CEP295: variants seen among roughly 807,000 people sequenced by gnomAD.
CEP295 encodes the protein centrosomal protein 295.
Under a neutral mutation model 291.6 loss-of-function variants are expected in CEP295, and 190 were observed. The ratio of observed to expected loss-of-function variants is 0.65; its 90% confidence interval spans 0.58 to 0.73. The LOEUF (loss-of-function observed/expected upper bound fraction) is 0.73, where lower values mean the gene tolerates loss of function less well. Ranked by LOEUF, CEP295 falls within the 30% of genes least tolerant of loss-of-function variation. The pLI, the probability that CEP295 is intolerant of heterozygous loss-of-function variation, is 0.00. For missense variants in CEP295, 2,863 were observed against 2,949.4 expected (o/e 0.97, Z 0.68); for synonymous variants, 993 against 1,038.8 (o/e 0.96, Z 0.85).
chr11:93,697,730 TCACAGCCTATCCTA>T lies in CEP295; in HGVS notation c.2819_2832del (p.Ser940PhefsTer5). On this transcript the variant is annotated frameshift_variant, in exon 15 of 30. Coordinates refer to ENST00000325212, the MANE Select transcript of CEP295 (RefSeq NM_033395.2). LOFTEE classifies it high-confidence loss of function. The stretch of plus-strand genomic sequence containing the variant: ...ACTTCAGGATAAGCGTTTGAGTCTT[TCACAGCCTATCCTA>T]TCACAGCAAAATAATTTTAAATTTC... 1 of 1,551,660 alleles carries T rather than the reference TCACAGCCTATCCTA, an allele frequency of 6.4e-7. No homozygotes were observed. The highest frequency in any genetic ancestry group is 8.7e-7 in the Non-Finnish European group (1 of 1,146,982).
chr11:93,700,517 C>T (rs1238985592), intron 15 of CEP295, among the ~76,000 whole-genome samples: 4 of 151,302 alleles, frequency 2.6e-5, no homozygotes, highest in African/African-American at 7.3e-5. Flanking sequence ...CCCCTACCTC[C>T]TGGGTTTAAG....
At chr11:93,694,501 C>T (rs541824284) in intron 12 of CEP295, among the ~76,000 whole-genome samples, 7 of 152,294 alleles carry the variant, frequency 4.6e-5, no homozygotes, top group East Asian at 3.9e-4. Context: ...AAGCACTTTA[C>T]AGCCTCTCTT....
chr11:93,662,907 C>T (rs1950051249), intron 1 of CEP295, among the ~76,000 whole-genome samples: 1 of 152,218 alleles, frequency 6.6e-6, no homozygotes, highest in Non-Finnish European at 1.5e-5. Context: ...GATAACAATG[C>T]ACTGAAAAGG....
At chr11:93,705,767 A>G (rs987215705) in intron 17 of CEP295, among the ~76,000 whole-genome samples, 5 of 152,164 alleles carry the variant, frequency 3.3e-5, no homozygotes, top group African/African-American at 1.2e-4. Context: ...TAAAAGGCCA[A>G]TTGGAGGTTC....
intron 24 of CEP295, 66 bp downstream of exon 24, chr11:93,727,703 T>A: frequency 1.5e-6 from 2 of 1,298,882 alleles, no homozygotes; most frequent in Non-Finnish European, 2.1e-6. Context: ...TTTTTTCTTC[T>A]AAAATTAGAG....
At chr11:93,728,918 T>C (rs944505480) in intron 25 of CEP295, 97 bp downstream of exon 25, 4 of 1,124,666 alleles carry the variant, frequency 3.6e-6, no homozygotes, top group East Asian at 2.6e-5. Flanking sequence ...GAGGGAATTA[T>C]GCTATGCATT....
chr11:93,683,388 A>G (rs1011522660), intron 7 of CEP295, among the ~76,000 whole-genome samples, 171 bp from the exon 8 acceptor site: 1 of 152,240 alleles, frequency 6.6e-6, no homozygotes, highest in Admixed American at 6.5e-5. Context: ...GGTATCTGGT[A>G]TTCAGCAAAT....
Position 93,687,839 on chromosome 11 carries a change from G to C in CEP295, c.1310G>C (p.Arg437Thr). The C allele has an allele frequency of 6.4e-7, 1 of 1,550,920 alleles. No individual in the cohort carries two copies. The highest frequency in any genetic ancestry group is 1.2e-5 in the South Asian group (1 of 83,966). ...VESGTIASKE[R>T]TLSSGQEQVV... The stretch of plus-strand genomic sequence containing the variant: ...TCAGGAACAATTGCCAGCAAAGAGA[G>C]AACGTTATCCTCTGGGCAGGAACAA... Residue 437 changes from arginine to threonine, a missense_variant, in exon 10 of 30, where the codon AGA becomes ACA. Around this residue, in one of 3 missense-constraint regions of CEP295, gnomAD observed 554 missense variants for 576.0 expected, o/e 0.96. Transcript: ENST00000325212.
At position 93,729,455 on chromosome 11, in the gene CEP295, G is replaced by GT; in HGVS notation, c.7325dup (p.Ser2443IlefsTer62). ...TTAGGTGAGTGAGTTTCTGCCTCTT[G>GT]TATCAGCAACAGAAGCCTCAGATTA... On this transcript the variant is annotated frameshift_variant, in exon 26 of 30. Transcript: ENST00000325212. LOFTEE classifies it high-confidence loss of function. The GT allele has an allele frequency of 1.3e-6, 2 of 1,551,746 alleles. No individual in the cohort carries two copies. The highest frequency in any genetic ancestry group is 2.4e-5 in the East Asian group (1 of 40,930).
At chr11:93,709,864 T>G (rs1952780305) in intron 18 of CEP295, among the ~76,000 whole-genome samples, 1 of 152,288 alleles carries the variant, frequency 6.6e-6, no homozygotes, top group African/African-American at 2.4e-5. Context: ...CTTTCACTTC[T>G]TTGGTTAATT....
intron 18 of CEP295, among the ~76,000 whole-genome samples, chr11:93,713,767 A>G (rs893941667): frequency 1.3e-5 from 2 of 151,998 alleles, no homozygotes; most frequent in Non-Finnish European, 2.9e-5. Flanking sequence ...CTGTCTCTCT[A>G]CCTTCTCTTT....
In CEP295 at chr11:93,691,975, T is replaced by C. The variant is rs1024695640; in HGVS notation, c.1478T>C (p.Leu493Pro). The C allele has an allele frequency of 3.2e-6, 5 of 1,546,682 alleles. No individual in the cohort carries two copies. The highest frequency in any genetic ancestry group is 4.4e-6 in the Non-Finnish European group (5 of 1,142,528). ...ACAACTGTAGCTCAGAGTTCAGTTC[T>C]ACTTCATCCTCAAGAAGCAGCAGCC... ...PITTVAQSSV[L>P]LHPQEAAARI... The change falls in exon 12 of 30, where the codon CTA (leucine) becomes CCA (proline). Residue 493 changes from leucine to proline, a missense_variant. Coordinates refer to ENST00000325212, the MANE Select transcript of CEP295 (RefSeq NM_033395.2).
At chr11:93,683,858 C>A in intron 8 of CEP295, 106 bp from the exon 9 acceptor site, 1 of 1,413,158 alleles carries the variant, frequency 7.1e-7, no homozygotes, top group South Asian at 1.4e-5. Context: ...TGAAGGAGGC[C>A]CCCCATATTT....
At chr11:93,672,013 T>C (rs1270031578) in intron 5 of CEP295, among the ~76,000 whole-genome samples, 1 of 152,212 alleles carries the variant, frequency 6.6e-6, no homozygotes, top group African/African-American at 2.4e-5. Flanking sequence ...TGTCAGGTTT[T>C]TTTATTCATA....
chr11:93,702,602 A>C lies in CEP295; in HGVS notation c.5417A>C (p.His1806Pro). ...GATAGGAACAACTCTGATGATAATC[A>C]TTTGGCTTCAGAAGATACTAGTGCC... ...HADRNNSDDN[H>P]LASEDTSAKQ... is the part of the protein sequence containing the mutation. The change falls in exon 16 of 30, where the codon CAT (histidine) becomes CCT (proline). Residue 1806 changes from histidine (H) to proline (P), a missense_variant. By Grantham distance (77) the His-to-Pro change is moderately conservative (BLOSUM62 -2). Coordinates refer to ENST00000325212, the MANE Select transcript of CEP295 (RefSeq NM_033395.2). The C allele has an allele frequency of 6.5e-7, 1 of 1,548,690 alleles. No individual in the cohort carries two copies. The highest frequency in any genetic ancestry group is 8.7e-7 in the Non-Finnish European group (1 of 1,146,090).
chr11:93,717,253 G>T (rs759392567), intron 18 of CEP295, among the ~76,000 whole-genome samples: 1 of 152,052 alleles, frequency 6.6e-6, no homozygotes, highest in Admixed American at 6.6e-5. Context: ...ACCCCTACCC[G>T]CTGCATCACT....
chr11:93,665,916 C>T (rs1482396919), intron 1 of CEP295, among the ~76,000 whole-genome samples: 1 of 152,180 alleles, frequency 6.6e-6, no homozygotes, highest in Non-Finnish European at 1.5e-5. Context: ...ACAAAGAACC[C>T]TTGAAATTAC....
rs988038294 is a variant in CEP295, at chr11:93,667,806, A to G, written c.308A>G (p.Asn103Ser). The change falls in exon 3 of 30, where the codon AAT becomes AGT. Residue 103 changes from asparagine (N) to serine (S), a missense_variant and splice_region_variant. Around this residue, in one of 3 missense-constraint regions of CEP295, gnomAD observed 554 missense variants for 576.0 expected, o/e 0.96. Transcript: ENST00000325212. The stretch of plus-strand genomic sequence containing the variant: ...GAGGGACATCGACAGGCCAAAGAAA[A>G]TGTGAGTGAGATCTTATTTGACTAC... ...MGEGHRQAKENEPDLDALAQR... is the reference protein window; with the variant it reads ...MGEGHRQAKESEPDLDALAQR... 1 of 1,544,156 alleles carries G rather than the reference A, an allele frequency of 6.5e-7. No homozygotes were observed.
intron 10 of CEP295, among the ~76,000 whole-genome samples, chr11:93,691,002 A>C (rs1431749698): frequency 1.3e-5 from 2 of 152,130 alleles, no homozygotes; most frequent in African/African-American, 4.8e-5. Flanking sequence ...TCCTCAGAGA[A>C]ATTTCATCTT....
Sources: allele counts gnomAD v4.1 joint callset (sites outside exome capture counted in the v4.1 genomes callset), GRCh38; gene constraint gnomAD v4.1.1; regional missense constraint gnomAD v4.1.1; transcripts MANE v1.5; gene names NCBI Gene and HGNC (gene_info 2026-07-23, HGNC 2026-07-21).